WNT8A: variants seen among roughly 807,000 people sequenced by gnomAD.
WNT8A encodes the protein Wnt family member 8A.
In WNT8A, 14 loss-of-function variants were observed where a neutral mutation model predicts 20.5. The ratio of observed to expected loss-of-function variants is 0.68; its 90% confidence interval spans 0.45 to 1.07. The LOEUF is 1.07. Among genes scored for constraint, WNT8A ranks in the 50% least tolerant of loss-of-function variants. WNT8A has a pLI of 0.00. For synonymous variants in WNT8A, 167 were observed against 169.2 expected (o/e 0.99, Z 0.10); for missense variants, 397 against 462.9 (o/e 0.86, Z 1.31).
At chr5:138,082,916 T>TAAATAAATA (rs1554086966), upstream of WNT8A, among the ~76,000 whole-genome samples, 666 of 142,206 alleles carry the variant, frequency 4.7e-3, 1 homozygote, top group African/African-American at 7.6e-3. Context: ...AATAAATAAA[T>TAAATAAATA]AAATAAAATA....
intron 2 of WNT8A, among the ~76,000 whole-genome samples, chr5:138,087,595 T>A (rs1277017458): frequency 8.0e-6 from 1 of 125,710 alleles, no homozygotes; most frequent in South Asian, 2.5e-4. Context: ...AGGCAGAGGT[T>A]GCAGTGAGCC....
chr5:138,078,849 T>G, the WNT8A span, among the ~76,000 whole-genome samples: 8 of 152,182 alleles, frequency 5.3e-5, no homozygotes, highest in Non-Finnish European at 7.4e-5. Flanking sequence ...TTATATCCTT[T>G]ATTGATAATA....
rs1408054036 is a variant in WNT8A, at chr5:138,084,220, C to T, written c.93C>T (p.His31=). Residue 31 remains histidine (H), a synonymous_variant, in exon 1 of 5, where the codon CAC becomes CAT. Coordinates refer to ENST00000506684, the MANE Select transcript of WNT8A (RefSeq NM_001300939.2). ...QGGPHCLIPI[H]LCLTFSLFGR... ...GCCCCCATTGTCTCATCCCCATTCA[C>T]CTCTGCCTCACTTTTTCTCTTTTTG... is the stretch of plus-strand genomic sequence containing the variant. The T allele has an allele frequency of 6.2e-7, 1 of 1,614,106 alleles. No individual in the cohort carries two copies. The highest frequency in any genetic ancestry group is 8.5e-7 in the Non-Finnish European group (1 of 1,180,050).
At chr5:138,080,444 GTTTTTTTTTTTT>G (rs371833243), upstream of WNT8A, among the ~76,000 whole-genome samples, 3 of 55,994 alleles carry the variant, frequency 5.4e-5, no homozygotes, top group South Asian at 1.1e-3. Flanking sequence ...TGTAAATCTT[GTTTTTTTTTTTT>G]TTTTTTTTTT....
At chr5:138,082,374 G>A (rs1750530300), upstream of WNT8A, among the ~76,000 whole-genome samples, 2 of 151,922 alleles carry the variant, frequency 1.3e-5, no homozygotes. Flanking sequence ...GATGTCAGGA[G>A]TTTGAGACCA....
chr5:138,085,931 T>C (rs1750648343), intron 2 of WNT8A, among the ~76,000 whole-genome samples: 1 of 150,036 alleles, frequency 6.7e-6, no homozygotes, highest in South Asian at 2.1e-4. Context: ...ATAGGGAGTA[T>C]GTAGAAATAA....
Position 138,090,598 on chromosome 5 carries a change from G to C in WNT8A, c.635G>C (p.Cys212Ser). ...TCTGGGAGCTGCAGCATACAGACATGCTGGCTGCAGCTGGCTGAATTCCGG... is the reference window on the plus strand; with the variant it reads ...TCTGGGAGCTGCAGCATACAGACATCCTGGCTGCAGCTGGCTGAATTCCGG... Reference protein sequence around the residue: ...GISGSCSIQTCWLQLAEFREM... With the variant: ...GISGSCSIQTSWLQLAEFREM... Residue 212 changes from cysteine (C) to serine (S), a missense_variant, in exon 5 of 5, where the codon TGC (cysteine) becomes TCC (serine). Transcript: ENST00000506684. The C allele has an allele frequency of 6.2e-7, 1 of 1,614,214 alleles. No homozygotes were observed. The highest frequency in any genetic ancestry group is 8.5e-7 in the Non-Finnish European group (1 of 1,180,030).
At chr5:138,084,688 G>T in intron 2 of WNT8A, 52 bp downstream of exon 2, 1 of 1,530,870 alleles carries the variant, frequency 6.5e-7, no homozygotes, top group Non-Finnish European at 8.8e-7. Context: ...TGAATGGAGT[G>T]GGGCTTGCAG....
At position 138,090,934 on chromosome 5, in the gene WNT8A, C is replaced by T. The variant is rs200495301; in HGVS notation, c.971C>T (p.Thr324Ile). The change falls in exon 5 of 5, where the codon ACT becomes ATT. Residue 324 changes from threonine (T) to isoleucine (I), a missense_variant. Physicochemically the swap from Thr to Ile is moderately conservative, Grantham distance 89. Coordinates refer to ENST00000506684, the MANE Select transcript of WNT8A (RefSeq NM_001300939.2). Reference sequence around the variant, plus strand: ...GGGCTGCAGGTGGAAGAGAGGAAAACTGAGGTCATAAGCAGCTGTAACTGC... The same window carrying T: ...GGGCTGCAGGTGGAAGAGAGGAAAATTGAGGTCATAAGCAGCTGTAACTGC... ...ECGLQVEERK[T>I]EVISSCNCKF... 107 of 1,614,084 alleles carry T rather than the reference C, an allele frequency of 6.6e-5. No homozygotes were observed. The highest frequency in any genetic ancestry group is 7.0e-5 in the Non-Finnish European group (83 of 1,180,038).
In WNT8A at chr5:138,089,077, T is replaced by C; in HGVS notation, c.564+8T>C. 1 of 1,612,108 alleles carries C rather than the reference T, an allele frequency of 6.2e-7. No individual in the cohort carries two copies. Among genetic ancestry groups the C allele is most frequent in the South Asian group, 1.1e-5 (1 of 90,780 alleles). On this transcript the variant is annotated splice_region_variant and intron_variant, in intron 4 of 4. Transcript: ENST00000506684. Reference sequence around the variant, plus strand: ...AACAGGGCCGGCAGACTGGTGGGTATAGGCATTGTGGCCAGTATTTCTACA... The same window carrying C: ...AACAGGGCCGGCAGACTGGTGGGTACAGGCATTGTGGCCAGTATTTCTACA...
In WNT8A at chr5:138,090,719, C is replaced by G; in HGVS notation, c.756C>G (p.His252Gln). The G allele has an allele frequency of 6.2e-7, 1 of 1,614,248 alleles. No homozygotes were observed. The highest frequency in any genetic ancestry group is 8.5e-7 in the Non-Finnish European group (1 of 1,180,050). Reference sequence around the variant, plus strand: ...GAGCTGGGAACAGCGCCGAGGGCCACTGGGTGCCCGCTGAGGCCTTCCTTC... The same window carrying G: ...GAGCTGGGAACAGCGCCGAGGGCCAGTGGGTGCCCGCTGAGGCCTTCCTTC... ...QLRAGNSAEG[H>Q]WVPAEAFLPS... Residue 252 changes from histidine (H) to glutamine (Q), a missense_variant, in exon 5 of 5, where the codon CAC (histidine) becomes CAG (glutamine). By Grantham distance (24) the His-to-Gln change is conservative. Coordinates refer to ENST00000506684, the MANE Select transcript of WNT8A (RefSeq NM_001300939.2).
chr5:138,090,425 C>G, intron 4 of WNT8A, 103 bp from the exon 5 acceptor site: 1 of 1,059,632 alleles, frequency 9.4e-7, no homozygotes, highest in Non-Finnish European at 1.4e-6. Context: ...AATTCTGATG[C>G]TCCTTTAAAG....
At position 138,087,945 on chromosome 5, in the gene WNT8A, T is replaced by C. The variant is rs1161301932; in HGVS notation, c.421+14T>C. On this transcript the variant is annotated intron_variant, in intron 3 of 4. Transcript: ENST00000506684. ...ATGGAAAAACAGGTAAGTTGAGCTT[T>C]CTAATGGGGGTGGGAAGAGGTGAGG... 6.2e-7 allele frequency: 1 copy of C among 1,612,984 alleles called. No homozygotes were observed.
intron 4 of WNT8A, among the ~76,000 whole-genome samples, chr5:138,089,406 G>A (rs1203903109): frequency 6.6e-6 from 1 of 152,126 alleles, no homozygotes; most frequent in Admixed American, 6.5e-5. Context: ...TCAACTGCAT[G>A]TTCTAGTAAA....
chr5:138,084,182 C>A lies in WNT8A; in HGVS notation c.55C>A (p.Pro19Thr), dbSNP rs767263984. Residue 19 changes from proline to threonine, a missense_variant, in exon 1 of 5, where the codon CCT becomes ACT. Physicochemically the swap from Pro to Thr is conservative, Grantham distance 38. Coordinates refer to ENST00000506684, the MANE Select transcript of WNT8A (RefSeq NM_001300939.2). ...GGTAAGTCCTTTCCCAACCCTCACTCCTTGCCAAGGAGGCCCCCATTGTCT... is the reference window on the plus strand; with the variant it reads ...GGTAAGTCCTTTCCCAACCCTCACTACTTGCCAAGGAGGCCCCCATTGTCT... ...CLVSPFPTLT[P>T]CQGGPHCLIP... 1 of 1,614,234 alleles carries A rather than the reference C, an allele frequency of 6.2e-7. No individual in the cohort carries two copies. The highest frequency in any genetic ancestry group is 8.5e-7 in the Non-Finnish European group (1 of 1,180,044).
Position 138,090,896 on chromosome 5 carries a change from G to T in WNT8A, c.933G>T (p.Leu311=), listed in dbSNP as rs201138641. Residue 311 remains leucine (L), a synonymous_variant, in exon 5 of 5, where the codon CTG becomes CTT. Transcript: ENST00000506684. ...SRWERRSCGR[L]CTECGLQVEE... is the part of the protein sequence containing the mutation. ...GGGAGCGACGTAGCTGTGGGCGCCTGTGCACTGAGTGTGGGCTGCAGGTGG... is the reference window on the plus strand; with the variant it reads ...GGGAGCGACGTAGCTGTGGGCGCCTTTGCACTGAGTGTGGGCTGCAGGTGG... 6.2e-7 allele frequency: 1 copy of T among 1,614,242 alleles called. No individual in the cohort carries two copies. Among genetic ancestry groups the T allele is most frequent in the East Asian group, 2.2e-5 (1 of 44,892 alleles).
At chr5:138,088,382 A>T (rs1213490343) in intron 3 of WNT8A, among the ~76,000 whole-genome samples, 1 of 137,278 alleles carries the variant, frequency 7.3e-6, no homozygotes, top group Non-Finnish European at 1.5e-5. Flanking sequence ...TTTGAGATGG[A>T]GTCTCGCTCT....
intron 2 of WNT8A, among the ~76,000 whole-genome samples, chr5:138,086,498 G>T (rs1750666720): frequency 6.6e-6 from 1 of 151,934 alleles, no homozygotes; most frequent in Non-Finnish European, 1.5e-5. Context: ...GATTACATTG[G>T]CCTCATCATT....
intron 2 of WNT8A, among the ~76,000 whole-genome samples, chr5:138,087,556 C>T (rs1401791844): frequency 2.2e-5 from 3 of 134,264 alleles, no homozygotes; most frequent in Non-Finnish European, 4.6e-5. Flanking sequence ...ACTCAGGAGG[C>T]TGGGGCAGGA....
Sources: allele counts gnomAD v4.1 joint callset (sites outside exome capture counted in the v4.1 genomes callset), GRCh38; gene constraint gnomAD v4.1.1; transcripts MANE v1.5; gene names NCBI Gene and HGNC (gene_info 2026-07-23, HGNC 2026-07-21).